The following GLIS3 variants were observed in gnomAD, a reference collection of about 807,000 sequenced individuals.
GLIS3 encodes the protein zinc finger protein GLIS3.
Under a neutral mutation model 78.6 loss-of-function variants are expected in GLIS3, and 53 were observed. The observed-to-expected ratio is 0.67, with a 90% CI of 0.54 to 0.85. GLIS3 has a LOEUF of 0.85. Ranked by LOEUF, GLIS3 falls within the 40% of genes least tolerant of loss-of-function variation. The probability of loss-of-function intolerance (pLI) is 0.00; values close to 1 mark genes in which losing one functional copy is unlikely to be tolerated. For synonymous variants in GLIS3, 684 were observed against 509.9 expected (o/e 1.34, Z -4.60); for missense variants, 1,703 against 1,231.1 (o/e 1.38, Z -5.74).
intron 2 of GLIS3, among the ~76,000 whole-genome samples, chr9:4,130,997 G>A (rs1832933556): frequency 6.6e-6 from 1 of 152,216 alleles, no homozygotes; most frequent in African/African-American, 2.4e-5. Flanking sequence ...GCACCAGTGT[G>A]GCCTGGATGT....
intron 4 of GLIS3, among the ~76,000 whole-genome samples, chr9:3,975,665 G>A (rs1818725600): frequency 6.6e-6 from 1 of 151,384 alleles, no homozygotes; most frequent in African/African-American, 2.4e-5. Flanking sequence ...CATGCCTTAA[G>A]GTTTTACTTG....
At chr9:4,186,857 G>T (rs1351806258) in intron 2 of GLIS3, among the ~76,000 whole-genome samples, 1 of 151,982 alleles carries the variant, frequency 6.6e-6, no homozygotes, top group Non-Finnish European at 1.5e-5. Context: ...TTTTTTTCTT[G>T]TAAATTTGTT....
the GLIS3 span, among the ~76,000 whole-genome samples, chr9:4,482,173 C>A: frequency 2.6e-5 from 4 of 152,044 alleles, no homozygotes; most frequent in East Asian, 1.9e-4. Flanking sequence ...AGACAGAGAA[C>A]TTTTCTTTCA....
At chr9:3,988,623 T>G (rs58210328) in intron 4 of GLIS3, among the ~76,000 whole-genome samples, 13,218 of 152,182 alleles carry the variant, frequency 0.087, 689 homozygotes, top group African/African-American at 0.14. Context: ...CAACTGATAT[T>G]TGACAAAGAT....
intron 1 of GLIS3, among the ~76,000 whole-genome samples, chr9:4,297,336 T>C (rs1816627871): frequency 6.6e-6 from 1 of 152,316 alleles, no homozygotes; most frequent in African/African-American, 2.4e-5. Context: ...CTGCGACAAC[T>C]GGCTGTGAGG....
chr9:4,169,125 G>T (rs554845947), intron 2 of GLIS3, among the ~76,000 whole-genome samples: 3 of 152,176 alleles, frequency 2.0e-5, no homozygotes, highest in South Asian at 2.1e-4. Flanking sequence ...GTTAATTGTT[G>T]GTCAAGCTTT....
intron 8 of GLIS3, among the ~76,000 whole-genome samples, chr9:3,869,533 T>TTAGAGCAACTATGCATTGTATC (rs1478900611): frequency 1.3e-5 from 2 of 152,224 alleles, no homozygotes; most frequent in Non-Finnish European, 2.9e-5. Context: ...AATGTATATA[T>TTAGAGCAACTATGCATTGTATC]TAGAGCAACT....
At chr9:4,043,120 C>G (rs552845606) in intron 4 of GLIS3, among the ~76,000 whole-genome samples, 1 of 152,290 alleles carries the variant, frequency 6.6e-6, no homozygotes, top group East Asian at 1.9e-4. Flanking sequence ...TTCCCAGCCC[C>G]TCCCCTTCCC....
chr9:4,245,787 A>C (rs1477986085), intron 2 of GLIS3, among the ~76,000 whole-genome samples: 1 of 152,236 alleles, frequency 6.6e-6, no homozygotes, highest in Non-Finnish European at 1.5e-5. Context: ...GTGTCAATTA[A>C]AAACAATAAT....
chr9:4,365,353 T>A, the GLIS3 span, among the ~76,000 whole-genome samples: 1 of 151,968 alleles, frequency 6.6e-6, no homozygotes. Context: ...GTCAGGAGTT[T>A]GAGACTAGCC....
chr9:4,095,190 T>G (rs1338445435), intron 4 of GLIS3, among the ~76,000 whole-genome samples: 1 of 152,194 alleles, frequency 6.6e-6, no homozygotes, highest in Non-Finnish European at 1.5e-5. Context: ...GCCTTCCCCC[T>G]ACCCTTCCCA....
At chr9:4,166,019 C>T (rs965600187) in intron 2 of GLIS3, among the ~76,000 whole-genome samples, 1 of 152,108 alleles carries the variant, frequency 6.6e-6, no homozygotes, top group Non-Finnish European at 1.5e-5. Flanking sequence ...GGTTCTGAGG[C>T]GAGAGACCAG....
intron 9 of GLIS3, among the ~76,000 whole-genome samples, chr9:3,846,278 C>G (rs1014553952): frequency 6.6e-6 from 1 of 152,182 alleles, no homozygotes; most frequent in African/African-American, 2.4e-5. Flanking sequence ...GGCACCACCA[C>G]AAAGTATGAT....
chr9:4,251,448 T>A (rs1243720381), intron 2 of GLIS3, among the ~76,000 whole-genome samples: 1 of 151,132 alleles, frequency 6.6e-6, no homozygotes. Context: ...TTTTTTTTGC[T>A]TTCCATTTGC....
chr9:4,200,405 T>C (rs1379860089), intron 2 of GLIS3, among the ~76,000 whole-genome samples: 3 of 151,904 alleles, frequency 2.0e-5, no homozygotes, highest in Non-Finnish European at 4.4e-5. Context: ...GGTAGACTAC[T>C]AGCTAGATTA....
chr9:4,489,272 C>T, the GLIS3 span, among the ~76,000 whole-genome samples: 1 of 152,170 alleles, frequency 6.6e-6, no homozygotes, highest in Non-Finnish European at 1.5e-5. Flanking sequence ...CTGATAAACT[C>T]ATTCATACTA....
chr9:4,241,344 T>C (rs1823291619), intron 2 of GLIS3, among the ~76,000 whole-genome samples: 1 of 152,342 alleles, frequency 6.6e-6, no homozygotes, highest in Non-Finnish European at 1.5e-5. Flanking sequence ...GGTTGATTAA[T>C]GAGTACAGAT....
intron 2 of GLIS3, among the ~76,000 whole-genome samples, chr9:4,201,251 G>A (rs796942133): frequency 6.6e-6 from 1 of 152,022 alleles, no homozygotes; most frequent in Non-Finnish European, 1.5e-5. Flanking sequence ...AAACCTAAAA[G>A]CATTCCCTTG....
chr9:4,313,789 C>T (rs1364840470), intron 2 of GLIS3, among the ~76,000 whole-genome samples: 3 of 152,198 alleles, frequency 2.0e-5, no homozygotes, highest in East Asian at 1.9e-4. Context: ...CTCAAGTGCA[C>T]GTGGACTTCC....
Sources: allele counts gnomAD v4.1 joint callset (sites outside exome capture counted in the v4.1 genomes callset), GRCh38; gene constraint gnomAD v4.1.1; transcripts MANE v1.5; gene names NCBI Gene and HGNC (gene_info 2026-07-23, HGNC 2026-07-21).